Variants in SUMF1 observed in about 807,000 individuals in gnomAD.
SUMF1 encodes formylglycine-generating enzyme.
A neutral mutation model predicts 47.6 loss-of-function variants in SUMF1; 48 were observed. The ratio of observed to expected loss-of-function variants is 1.01; its 90% CI spans 0.80 to 1.28. The LOEUF is 1.28. Among genes scored for constraint, SUMF1 ranks in the 50% most tolerant of loss-of-function variants. The pLI, the probability that SUMF1 is intolerant of heterozygous loss-of-function variation, is 0.00. For missense variants in SUMF1, 571 were observed against 485.4 expected (o/e 1.18, Z -1.66); for synonymous variants, 230 against 192.1 (o/e 1.20, Z -1.63).
intron 8 of SUMF1, among the ~76,000 whole-genome samples, chr3:4,262,181 G>T (rs1316285409): frequency 6.6e-6 from 1 of 152,102 alleles, no homozygotes; most frequent in South Asian, 2.1e-4. Context: ...GACCTGGAGG[G>T]TACCTGAAAG....
intron 1 of SUMF1, among the ~76,000 whole-genome samples, chr3:4,465,132 G>C (rs1186829838): frequency 1.3e-5 from 2 of 152,196 alleles, no homozygotes. Flanking sequence ...AAATGAGATG[G>C]CTGCCCTATT....
chr3:4,219,273 T>G (rs567534699), intron 8 of SUMF1, among the ~76,000 whole-genome samples: 2 of 152,300 alleles, frequency 1.3e-5, no homozygotes, highest in Non-Finnish European at 2.9e-5. Context: ...TTTTCACATA[T>G]TTGATCCTTA....
At chr3:4,233,181 T>C (rs1696339023) in intron 8 of SUMF1, among the ~76,000 whole-genome samples, 1 of 152,162 alleles carries the variant, frequency 6.6e-6, no homozygotes, top group Admixed American at 6.6e-5. Flanking sequence ...AGATCACTGC[T>C]ACACCTTCTG....
chr3:4,119,944 CT>C (rs1358569739), intron 8 of SUMF1, among the ~76,000 whole-genome samples: 3 of 152,124 alleles, frequency 2.0e-5, no homozygotes, highest in African/African-American at 7.2e-5. Flanking sequence ...CTCCTTTATA[CT>C]TGAACTTACA....
intron 8 of SUMF1, among the ~76,000 whole-genome samples, chr3:4,191,560 G>T (rs1025423514): frequency 2.0e-5 from 3 of 152,132 alleles, no homozygotes; most frequent in Non-Finnish European, 4.4e-5. Flanking sequence ...CATGGGGAAT[G>T]AATTGAAAGA....
At chr3:4,409,593 A>C (rs2125005949) in intron 7 of SUMF1, among the ~76,000 whole-genome samples, 1 of 152,304 alleles carries the variant, frequency 6.6e-6, no homozygotes, top group South Asian at 2.1e-4. Context: ...TCTATTTCTG[A>C]TTCTGACAGC....
intron 8 of SUMF1, among the ~76,000 whole-genome samples, chr3:4,288,274 G>A (rs2125052241): frequency 6.6e-6 from 1 of 152,248 alleles, no homozygotes; most frequent in South Asian, 2.1e-4. Context: ...ACTATGCATG[G>A]ACAGAATCTC....
At chr3:4,090,852 A>C (rs1039184688) in intron 8 of SUMF1, among the ~76,000 whole-genome samples, 1 of 152,120 alleles carries the variant, frequency 6.6e-6, no homozygotes, top group African/African-American at 2.4e-5. Context: ...TAATAGTAGA[A>C]GTATGATGGG....
intron 8 of SUMF1, among the ~76,000 whole-genome samples, chr3:4,277,277 C>G (rs1390317614): frequency 6.6e-6 from 1 of 152,060 alleles, no homozygotes; most frequent in East Asian, 1.9e-4. Context: ...AGAATGAAGA[C>G]AAAATGAAAA....
intron 3 of SUMF1, among the ~76,000 whole-genome samples, chr3:4,422,942 A>T (rs909060282): frequency 3.8e-5 from 5 of 133,024 alleles, no homozygotes; most frequent in African/African-American, 1.3e-4. Flanking sequence ...GTCTTTTATC[A>T]CTTCCCCTGA....
At chr3:4,428,463 C>T (rs1362972536) in intron 3 of SUMF1, among the ~76,000 whole-genome samples, 1 of 152,110 alleles carries the variant, frequency 6.6e-6, no homozygotes, top group African/African-American at 2.4e-5. Context: ...AAGCAATCCT[C>T]CCACCTCAGC....
At chr3:4,464,267 A>C (rs1178343534) in intron 1 of SUMF1, among the ~76,000 whole-genome samples, 1 of 137,070 alleles carries the variant, frequency 7.3e-6, no homozygotes, top group East Asian at 2.0e-4. Flanking sequence ...GGCCTAGCTC[A>C]AATGTGGCCT....
chr3:4,283,012 T>C (rs180793785), intron 8 of SUMF1, among the ~76,000 whole-genome samples: 1 of 152,314 alleles, frequency 6.6e-6, no homozygotes, highest in Admixed American at 6.5e-5. Flanking sequence ...TGCCTCTCTT[T>C]TTCAGACTGC....
intron 8 of SUMF1, chr3:4,303,252 T>G (rs221109): frequency 0.049 from 57,229 of 1,169,202 alleles, 3,364 homozygotes; most frequent in South Asian, 0.27. Context: ...TCCAGGCCAC[T>G]CCTGAGAAGA....
chr3:4,168,011 C>G (rs968052030), intron 8 of SUMF1, among the ~76,000 whole-genome samples: 1 of 152,160 alleles, frequency 6.6e-6, no homozygotes, highest in Non-Finnish European at 1.5e-5. Context: ...GAGTCTTATA[C>G]ATGCATATTT....
At chr3:4,217,997 T>C (rs1323813474) in intron 8 of SUMF1, among the ~76,000 whole-genome samples, 2 of 152,074 alleles carry the variant, frequency 1.3e-5, no homozygotes, top group Admixed American at 6.6e-5. Flanking sequence ...TTTAATATCA[T>C]GTTATTCGCT....
intron 8 of SUMF1, among the ~76,000 whole-genome samples, chr3:4,293,861 T>C (rs965630504): frequency 9.9e-5 from 15 of 152,230 alleles, no homozygotes; most frequent in African/African-American, 3.4e-4. Context: ...AAACTGTTTA[T>C]GTTTTCTAAT....
chr3:4,241,674 G>A (rs1696540096), intron 8 of SUMF1, among the ~76,000 whole-genome samples: 1 of 152,090 alleles, frequency 6.6e-6, no homozygotes, highest in South Asian at 2.1e-4. Context: ...AGCGTTGTCT[G>A]GGGTAAATAC....
At chr3:4,276,524 T>C (rs1697420815) in intron 8 of SUMF1, among the ~76,000 whole-genome samples, 1 of 152,166 alleles carries the variant, frequency 6.6e-6, no homozygotes, top group African/African-American at 2.4e-5. Flanking sequence ...GCTCCACCAC[T>C]CATTGGATGG....
Sources: gnomAD v4.1 joint callset for allele counts (sites outside exome capture counted in the v4.1 genomes callset) on GRCh38, gnomAD v4.1.1 for gene constraint, MANE v1.5 for transcripts, NCBI Gene and HGNC (gene_info 2026-07-23, HGNC 2026-07-21) for gene names.